The following NACC2 variants were observed in gnomAD, a reference collection of about 807,000 sequenced individuals.
The protein encoded by NACC2 is nucleus accumbens-associated protein 2.
NACC2 carries 8 observed loss-of-function variants against 25.1 expected under a neutral mutation model. That is an observed-to-expected ratio of 0.32 (90% CI 0.19 to 0.57). The LOEUF (loss-of-function observed/expected upper bound fraction) is 0.57. Ranked by LOEUF, NACC2 falls within the 20% of genes least tolerant of loss-of-function variation. The pLI is 0.89. For synonymous variants in NACC2, 435 were observed against 294.7 expected (o/e 1.48, Z -4.88); for missense variants, 644 against 650.2 (o/e 0.99, Z 0.10).
chr9:136,065,844 A>G (rs768423302), intron 1 of NACC2, among the ~76,000 whole-genome samples: 2 of 151,704 alleles, frequency 1.3e-5, no homozygotes, highest in Non-Finnish European at 2.9e-5. Context: ...GAAAACCCAG[A>G]TACATTAGAC....
intron 2 of NACC2, among the ~76,000 whole-genome samples, chr9:136,034,238 C>T (rs952533712): frequency 2.6e-5 from 4 of 152,044 alleles, no homozygotes; most frequent in Admixed American, 6.5e-5. Flanking sequence ...GAAAGTAAAA[C>T]GGGAACAAGT....
At position 136,010,641 on chromosome 9, in the gene NACC2, T is replaced by A. The variant is rs1208408140; in HGVS notation, c.*875A>T. On this transcript the variant is annotated 3_prime_UTR_variant, in exon 6 of 6. Coordinates refer to ENST00000277554, the MANE Select transcript of NACC2 (RefSeq NM_144653.5). This position sits in a 1 kb window ranked among gnomAD's most constrained non-coding sequence, Gnocchi z 4.9. ...TTCCAAACCATATATGAAATAGATCTAAATTACAACAAAACCTAAAAAAAA... is the reference window on the plus strand; with the variant it reads ...TTCCAAACCATATATGAAATAGATCAAAATTACAACAAAACCTAAAAAAAA... 1 of 152,172 alleles carries A rather than the reference T, an allele frequency of 6.6e-6. No individual in the cohort carries two copies. The highest frequency in any genetic ancestry group is 1.5e-5 in the Non-Finnish European group (1 of 68,022). The allele number at this position is 152,172 out of a possible 1,614,324, so 9.4% of individuals were successfully genotyped here. A position where few individuals can be genotyped will look rare whatever the true frequency, so the allele number is the denominator to read the frequency against.
At chr9:136,092,716 T>C (rs910291357) in intron 1 of NACC2, among the ~76,000 whole-genome samples, 3 of 152,102 alleles carry the variant, frequency 2.0e-5, no homozygotes, top group Non-Finnish European at 4.4e-5. Context: ...GGGGGCCCCA[T>C]AGTCAAGTTC....
chr9:136,025,293 T>G (rs1840371430), intron 2 of NACC2, among the ~76,000 whole-genome samples: 1 of 151,826 alleles, frequency 6.6e-6, no homozygotes, highest in Non-Finnish European at 1.5e-5. Context: ...CTTTGAGGAG[T>G]GCTGCTTACG....
intron 3 of NACC2, among the ~76,000 whole-genome samples, chr9:136,015,302 G>A (rs1314769743): frequency 1.3e-5 from 2 of 152,334 alleles, no homozygotes; most frequent in Non-Finnish European, 2.9e-5. Flanking sequence ...CCACCCAGCC[G>A]CCCCGGCAGC....
At chr9:136,029,673 G>A (rs565029502) in intron 2 of NACC2, among the ~76,000 whole-genome samples, 36 of 152,324 alleles carry the variant, frequency 2.4e-4, no homozygotes, top group South Asian at 1.4e-3. Context: ...AGGTGCCACC[G>A]TGTTTCCCAG....
Position 136,050,561 on chromosome 9 carries a change from G to C in NACC2, c.-40C>G. On this transcript the variant is annotated 5_prime_UTR_variant, in exon 2 of 6. Coordinates refer to ENST00000277554, the MANE Select transcript of NACC2 (RefSeq NM_144653.5). ...GGCGGGGCTGGGCTCTCAGCGCGGGGCGGCCCTAGCGGGGCTCATCTGTGG... is the reference window on the plus strand; with the variant it reads ...GGCGGGGCTGGGCTCTCAGCGCGGGCCGGCCCTAGCGGGGCTCATCTGTGG... The C allele has an allele frequency of 1.4e-6, 1 of 733,672 alleles. No homozygotes were observed. The highest frequency in any genetic ancestry group is 2.5e-6 in the Non-Finnish European group (1 of 403,804). The allele number at this position is 733,672 out of a possible 1,614,324, so 45.4% of individuals were successfully genotyped here. A position where few individuals can be genotyped will look rare whatever the true frequency, so the allele number is the denominator to read the frequency against.
At position 136,050,629 on chromosome 9, in the gene NACC2, C is replaced by G; in HGVS notation, c.-59-49G>C. ...GTCAGTTCCTCCAGGTCACGGGCTC[C>G]CCGCTCAAGGGGCCGTTCCCACCCC... is the stretch of plus-strand genomic sequence containing the variant. On this transcript the variant is annotated intron_variant, in intron 1 of 5. Coordinates refer to ENST00000277554, the MANE Select transcript of NACC2 (RefSeq NM_144653.5). 3 of 682,580 alleles carry G rather than the reference C, an allele frequency of 4.4e-6. No individual in the cohort carries two copies. In the South Asian group the frequency reaches 4.7e-5, roughly 11 times the overall value. The allele number at this position is 682,580 out of a possible 1,614,324, so 42.3% of individuals were successfully genotyped here. A position where few individuals can be genotyped will look rare whatever the true frequency, so the allele number is the denominator to read the frequency against.
intron 1 of NACC2, among the ~76,000 whole-genome samples, chr9:136,082,130 T>C (rs536340647): frequency 6.6e-6 from 1 of 152,270 alleles, no homozygotes; most frequent in Non-Finnish European, 1.5e-5. Flanking sequence ...GGTCAGCTCA[T>C]CACTAAAGCA....
intron 1 of NACC2, among the ~76,000 whole-genome samples, chr9:136,054,191 G>A (rs929594117): frequency 1.3e-5 from 2 of 152,232 alleles, no homozygotes; most frequent in African/African-American, 2.4e-5. Flanking sequence ...CATCCAGGTG[G>A]GCGTCTTAAC....
rs1588557851 is a variant in NACC2, at chr9:136,018,036, G to A, written c.887-1607C>T. Among the ~76,000 whole-genome samples, 1 of 152,236 alleles carries A rather than the reference G, an allele frequency of 6.6e-6. No homozygotes were observed. Among genetic ancestry groups the A allele is most frequent in the East Asian group, 1.9e-4 (1 of 5,164 alleles). The stretch of plus-strand genomic sequence containing the variant: ...CCCGGTGGGGGGCGGGGGGCAGCTT[G>A]CAGGACCTGCTGGTCTCAGCTGTGC... On this transcript the variant is annotated intron_variant, in intron 2 of 5. Transcript: ENST00000277554. The surrounding 1 kb of genome is among the most constrained non-coding windows in gnomAD (Gnocchi z 4.4).
At chr9:136,080,096 G>A (rs1426710904) in intron 1 of NACC2, among the ~76,000 whole-genome samples, 3 of 152,148 alleles carry the variant, frequency 2.0e-5, no homozygotes, top group Non-Finnish European at 4.4e-5. Context: ...TCCCTACCCC[G>A]GGCGTGGCTG....
Position 136,013,159 on chromosome 9 carries a change from G to GCCCCCGGCCCCCCCCCC in NACC2, c.1255+39_1255+40insGGGGGGGGGGCCGGGGG. ...CTCCTCAGGCTGGGATCTGAACCCA[G>GCCCCCGGCCCCCCCCCC]CCCCGGCCCCACCCACCCGAGAGAC... On this transcript the variant is annotated intron_variant, in intron 5 of 5. Transcript: ENST00000277554. This position sits in a 1 kb window ranked among gnomAD's most constrained non-coding sequence, Gnocchi z 6.6. The GCCCCCGGCCCCCCCCCC allele has an allele frequency of 1.1e-5, 8 of 754,856 alleles. No homozygotes were observed. The highest frequency in any genetic ancestry group is 3.0e-4 in the Middle Eastern group (1 of 3,384). The allele number at this position is 754,856 out of a possible 1,614,324, so 46.8% of individuals were successfully genotyped here.
chr9:136,038,094 C>T (rs966012594), intron 2 of NACC2, among the ~76,000 whole-genome samples: 2 of 152,188 alleles, frequency 1.3e-5, no homozygotes, highest in Non-Finnish European at 2.9e-5. Flanking sequence ...CTGTATACAA[C>T]ACCATCTATA....
At position 136,008,791 on chromosome 9, in the gene NACC2, A is replaced by G. The variant is rs1171362769; in HGVS notation, c.*2725T>C. On this transcript the variant is annotated 3_prime_UTR_variant, in exon 6 of 6. Transcript: ENST00000277554. ...GCTCAGCAGCCACGCACGTCCACAG[A>G]CACTCCCGACTCACGCCCACCGTGG... is the stretch of plus-strand genomic sequence containing the variant. The G allele has an allele frequency of 6.6e-6, 1 of 152,188 alleles. No individual in the cohort carries two copies. Among genetic ancestry groups the G allele is most frequent in the African/African-American group, 2.4e-5 (1 of 41,436 alleles). The allele number at this position is 152,188 out of a possible 1,614,324, so 9.4% of individuals were successfully genotyped here. A position where few individuals can be genotyped will look rare whatever the true frequency, so the allele number is the denominator to read the frequency against.
intron 1 of NACC2, among the ~76,000 whole-genome samples, chr9:136,076,709 C>T (rs147381915): frequency 2.4e-4 from 36 of 152,230 alleles, no homozygotes; most frequent in African/African-American, 8.2e-4. Context: ...TATTTGACTA[C>T]AATTTTTAAA....
chr9:136,035,954 A>G (rs1840545695), intron 2 of NACC2, among the ~76,000 whole-genome samples: 1 of 152,234 alleles, frequency 6.6e-6, no homozygotes. Flanking sequence ...GAACATCATC[A>G]TGATCCTGAG....
At chr9:136,094,894 G>C (rs1465695714) in intron 1 of NACC2, among the ~76,000 whole-genome samples, 3 of 150,418 alleles carry the variant, frequency 2.0e-5, no homozygotes, top group Non-Finnish European at 4.4e-5. Context: ...GCCCGGAGCC[G>C]GGGTCTCCCC....
chr9:136,027,367 C>G (rs1022493947), intron 2 of NACC2, among the ~76,000 whole-genome samples: 10 of 152,136 alleles, frequency 6.6e-5, no homozygotes, highest in Non-Finnish European at 1.5e-4. Context: ...TCTGCTGTGG[C>G]CAACACAAGA....
Sources: gnomAD v4.1 joint callset for allele counts (sites outside exome capture counted in the v4.1 genomes callset) on GRCh38, gnomAD v4.1.1 for gene constraint, Gnocchi (gnomAD v3.1) non-coding constraint, MANE v1.5 for transcripts, NCBI Gene and HGNC (gene_info 2026-07-23, HGNC 2026-07-21) for gene names.